The following ARHGAP22 variants were observed in gnomAD, a reference collection of about 807,000 sequenced individuals.
ARHGAP22 encodes the protein rho GTPase-activating protein 22.
Under a neutral mutation model 59.1 loss-of-function variants are expected in ARHGAP22, and 48 were observed. That is an observed-to-expected ratio of 0.81 (90% CI 0.64 to 1.03). The LOEUF (loss-of-function observed/expected upper bound fraction) is 1.03, where lower values mean the gene tolerates loss of function less well. ARHGAP22 is among the 50% of genes least tolerant of loss of function. The pLI is 0.00. For synonymous variants in ARHGAP22, 445 were observed against 416.4 expected (o/e 1.07, Z -0.84); for missense variants, 1,015 against 958.7 (o/e 1.06, Z -0.78).
At chr10:48,551,340 G>T (rs2056876989) in intron 3 of ARHGAP22, among the ~76,000 whole-genome samples, 1 of 152,192 alleles carries the variant, frequency 6.6e-6, no homozygotes, top group African/African-American at 2.4e-5. Context: ...CTCCATCAGT[G>T]CCCAGGCCTG....
the ARHGAP22 span, chr10:48,430,084 TTTTG>T: frequency 3.3e-5 from 5 of 152,128 alleles, no homozygotes; most frequent in Non-Finnish European, 5.9e-5. Context: ...TAAGAAGGTT[TTTTG>T]TTTGTTTTTG....
intron 4 of ARHGAP22, among the ~76,000 whole-genome samples, chr10:48,472,576 T>C (rs147110443): frequency 6.6e-6 from 1 of 151,540 alleles, no homozygotes; most frequent in East Asian, 1.9e-4. Context: ...ACAGCTAGAG[T>C]ACTAAAAGGG....
intron 3 of ARHGAP22, among the ~76,000 whole-genome samples, chr10:48,490,657 G>A (rs1241919700): frequency 6.6e-6 from 1 of 152,208 alleles, no homozygotes; most frequent in East Asian, 1.9e-4. Context: ...GCCCAAGGCA[G>A]GATGTTGGGA....
At chr10:48,635,790 C>T (rs2061793166) in intron 1 of ARHGAP22, among the ~76,000 whole-genome samples, 1 of 152,218 alleles carries the variant, frequency 6.6e-6, no homozygotes, top group Non-Finnish European at 1.5e-5. Context: ...CACCTGCACC[C>T]AAGCCCTTGT....
chr10:48,655,251 GTGT>G (rs2062766167), upstream of ARHGAP22, among the ~76,000 whole-genome samples: 7 of 11,458 alleles, frequency 6.1e-4, no homozygotes, highest in African/African-American at 1.8e-3. Flanking sequence ...ATGTGTGTGT[GTGT>G]GTGGGGGGGG....
chr10:48,471,799 T>A (rs1028170808), intron 4 of ARHGAP22, among the ~76,000 whole-genome samples: 3 of 152,340 alleles, frequency 2.0e-5, no homozygotes, highest in African/African-American at 7.2e-5. Context: ...CAAATTCATC[T>A]CCAGCTCCCC....
chr10:48,612,198 T>C (rs979853916), intron 1 of ARHGAP22, among the ~76,000 whole-genome samples: 8 of 152,148 alleles, frequency 5.3e-5, no homozygotes, highest in African/African-American at 1.9e-4. Context: ...TTTTTCCAAG[T>C]TGACAAACTC....
At chr10:48,590,756 G>A (rs2059702931) in intron 1 of ARHGAP22, among the ~76,000 whole-genome samples, 1 of 152,104 alleles carries the variant, frequency 6.6e-6, no homozygotes, top group Non-Finnish European at 1.5e-5. Context: ...CTATGACTCT[G>A]GCCTGGCCGT....
Position 48,537,027 on chromosome 10 carries a change from T to A in ARHGAP22, c.322+18436A>T, listed in dbSNP as rs921812828. Among the ~76,000 whole-genome samples the A allele has an allele frequency of 3.3e-5, 5 of 152,044 alleles. No homozygotes were observed. In the East Asian group the frequency reaches 7.7e-4, roughly 23 times the overall value. On this transcript the variant is annotated intron_variant, in intron 3 of 9. Transcript: ENST00000249601. ...CATCACCAAGGGCTGCAAAAATTCC[T>A]GTTATACAGGAATCCCAGGAGGCCG... is the stretch of plus-strand genomic sequence containing the variant.
At chr10:48,538,314 G>C (rs1226137167) in intron 3 of ARHGAP22, among the ~76,000 whole-genome samples, 4 of 152,136 alleles carry the variant, frequency 2.6e-5, no homozygotes, top group African/African-American at 9.7e-5. Context: ...ACCAACCATT[G>C]GATTTGGGGC....
chr10:48,576,626 A>C (rs1296326909), intron 2 of ARHGAP22, among the ~76,000 whole-genome samples: 1 of 152,082 alleles, frequency 6.6e-6, no homozygotes, highest in African/African-American at 2.4e-5. Flanking sequence ...TTTTTTTACA[A>C]TGAAAGTTTA....
exon 1 of ARHGAP22, chr10:48,652,427 T>C: frequency 1.4e-6 from 1 of 700,650 alleles, no homozygotes; most frequent in Non-Finnish European, 2.4e-6. Context: ...TAGAATGCCC[T>C]TTATCTGGTA....
chr10:48,588,759 G>A (rs112543102), intron 1 of ARHGAP22, among the ~76,000 whole-genome samples: 12 of 152,308 alleles, frequency 7.9e-5, no homozygotes, highest in African/African-American at 2.9e-4. Context: ...GTGGGGTCCC[G>A]CAGTCTGGCA....
chr10:48,632,681 G>A (rs1056317516), intron 1 of ARHGAP22, among the ~76,000 whole-genome samples: 12 of 152,162 alleles, frequency 7.9e-5, no homozygotes, highest in Non-Finnish European at 1.6e-4. Context: ...AGTTTAGAGT[G>A]CACACAGGTC....
Position 48,649,387 on chromosome 10 carries a change from A to G in ARHGAP22, c.52+2847T>C, listed in dbSNP as rs2062455586. 2.0e-5 allele frequency among the ~76,000 whole-genome samples: 3 copies of G among 152,152 alleles called. No homozygotes were observed. In the South Asian group the frequency reaches 6.2e-4, roughly 32 times the overall value. ...GAGAGGGTTTCGAAGGAGCCTCCCT[A>G]CCCCAGGCTGCTCCCAGCCTTGGTC... On this transcript the variant is annotated intron_variant, in intron 1 of 9. Coordinates refer to the ARHGAP22 transcript ENST00000435790.
intron 3 of ARHGAP22, among the ~76,000 whole-genome samples, chr10:48,507,561 G>A (rs1405501515): frequency 2.0e-5 from 3 of 152,208 alleles, no homozygotes; most frequent in South Asian, 4.2e-4. Flanking sequence ...AAAGTCAACC[G>A]TGCAGGCACA....
At chr10:48,636,963 A>G (rs2061844120) in intron 1 of ARHGAP22, among the ~76,000 whole-genome samples, 1 of 152,230 alleles carries the variant, frequency 6.6e-6, no homozygotes, top group South Asian at 2.1e-4. Flanking sequence ...CCGGAGTCTG[A>G]GAGGCTTTCT....
intron 3 of ARHGAP22, among the ~76,000 whole-genome samples, chr10:48,514,261 T>C (rs1278441537): frequency 6.6e-6 from 1 of 152,078 alleles, no homozygotes; most frequent in Non-Finnish European, 1.5e-5. Context: ...GAATGATGGT[T>C]AGAACTTCCC....
intron 3 of ARHGAP22, among the ~76,000 whole-genome samples, chr10:48,498,324 G>A (rs1394510474): frequency 6.6e-6 from 1 of 152,104 alleles, no homozygotes; most frequent in Non-Finnish European, 1.5e-5. Flanking sequence ...TCCTTGGGGT[G>A]TGCTGGCGAA....
Sources: gnomAD v4.1 joint callset for allele counts (sites outside exome capture counted in the v4.1 genomes callset) on GRCh38, gnomAD v4.1.1 for gene constraint, MANE v1.5 for transcripts, NCBI Gene and HGNC (gene_info 2026-07-23, HGNC 2026-07-21) for gene names.